JPH4: variants seen among roughly 807,000 people sequenced by gnomAD.
JPH4 encodes junctophilin 4, also known as junctophilin-4.
A neutral mutation model predicts 57.6 loss-of-function variants in JPH4; 18 were observed. The ratio of observed to expected loss-of-function variants is 0.31; its 90% CI spans 0.22 to 0.46. The LOEUF is 0.46. JPH4 is among the 20% of genes least tolerant of loss of function. JPH4 has a pLI of 1.00. For missense variants in JPH4, 727 were observed against 911.1 expected, an observed-to-expected ratio of 0.80 and a Z score of 2.60; for synonymous variants, 425 against 406.6, an observed-to-expected ratio of 1.05 and a Z score of -0.54.
rs1457118845 is a variant in JPH4, at chr14:23,576,386, A to T, written c.450T>A (p.His150Gln). 1.1e-5 allele frequency: 15 copies of T among 1,378,318 alleles called. No individual in the cohort carries two copies. Among genetic ancestry groups the T allele is most frequent in the Non-Finnish European group, 1.1e-5 (12 of 1,070,956 alleles). The allele number at this position is 1,378,318 out of a possible 1,614,324, so 85.4% of individuals were successfully genotyped here. ...GGGGCGAGCGCAGCAGCGCCGCCTG[A>T]TGGTAGGGCACACTCTGGCGTACCC... ...GYGVRQSVPY[H>Q]QAALLRSPRR... is the part of the protein sequence containing the mutation. Residue 150 changes from histidine to glutamine, a missense_variant, in exon 3 of 6, where the codon CAT becomes CAA. His to Gln is a conservative substitution (Grantham distance 24). Transcript: ENST00000356300. The surrounding 1 kb of genome is among the most constrained non-coding windows in gnomAD (Gnocchi z 8.0).
At position 23,571,785 on chromosome 14, in the gene JPH4, A is replaced by G. The variant is rs573174985; in HGVS notation, c.1270+17T>C. 6.2e-7 allele frequency: 1 copy of G among 1,606,696 alleles called. No homozygotes were observed. The highest frequency in any genetic ancestry group is 2.2e-5 in the East Asian group (1 of 44,840). ...CTAGGGGCCTCACTGCCCTCCCCCC[A>G]GCTGTCCATGCCTCACCTGGGGCCT... On this transcript the variant is annotated intron_variant, in intron 4 of 5. Coordinates refer to ENST00000356300, the MANE Select transcript of JPH4 (RefSeq NM_001146028.2). The surrounding 1 kb of genome is among the most constrained non-coding windows in gnomAD (Gnocchi z 4.6).
At position 23,577,008 on chromosome 14, in the gene JPH4, G is replaced by A; in HGVS notation, c.379+67C>T. 1 of 1,406,092 alleles carries A rather than the reference G, an allele frequency of 7.1e-7. No homozygotes were observed. The highest frequency in any genetic ancestry group is 9.2e-7 in the Non-Finnish European group (1 of 1,085,228). The allele number at this position is 1,406,092 out of a possible 1,614,324, so 87.1% of individuals were successfully genotyped here. On this transcript the variant is annotated intron_variant, in intron 2 of 5. Coordinates refer to ENST00000356300, the MANE Select transcript of JPH4 (RefSeq NM_001146028.2). The surrounding 1 kb of genome is among the most constrained non-coding windows in gnomAD (Gnocchi z 8.4). ...GGGCGCAAGGGCGCAAATGGCGGGC[G>A]AAGGCCCAAGGCTGGGGAAGGCGCA...
At position 23,571,779 on chromosome 14, in the gene JPH4, C is replaced by A. The variant is rs1240352201; in HGVS notation, c.1270+23G>T. 6.3e-7 allele frequency: 1 copy of A among 1,594,562 alleles called. No individual in the cohort carries two copies. Among genetic ancestry groups the A allele is most frequent in the Non-Finnish European group, 8.6e-7 (1 of 1,165,574 alleles). ...AGCTCCCTAGGGGCCTCACTGCCCT[C>A]CCCCCAGCTGTCCATGCCTCACCTG... On this transcript the variant is annotated intron_variant, in intron 4 of 5. Transcript: ENST00000356300. This position sits in a 1 kb window ranked among gnomAD's most constrained non-coding sequence, Gnocchi z 4.6.
rs541308637 is a variant in JPH4 at position 23,571,416 on chromosome 14, G to A, written c.1315C>T (p.Leu439=). The A allele has an allele frequency of 1.3e-6, 2 of 1,599,636 alleles. No individual in the cohort carries two copies. The highest frequency in any genetic ancestry group is 2.7e-5 in the African/African-American group (2 of 75,022). ...QDSEGSDTEP[L]DEDSPGVYEN... The stretch of plus-strand genomic sequence containing the variant: ...TATACCCCAGGGCTGTCCTCATCCA[G>A]GGGCTCCGTGTCGGAACCTTCTGAG... The change falls in exon 5 of 6, where the codon CTG becomes TTG. Residue 439 remains leucine, a synonymous_variant. Transcript: ENST00000356300. The surrounding 1 kb of genome is among the most constrained non-coding windows in gnomAD (Gnocchi z 4.6).
chr14:23,571,872 C>G lies in JPH4; in HGVS notation c.1200G>C (p.Glu400Asp), dbSNP rs558005576. 4 of 1,613,032 alleles carry G rather than the reference C, an allele frequency of 2.5e-6. No homozygotes were observed. In the South Asian group the frequency reaches 3.3e-5, roughly 13 times the overall value. Residue 400 changes from glutamate to aspartate, a missense_variant, in exon 4 of 6, where the codon GAG (glutamate) becomes GAC (aspartate). By Grantham distance (45) the Glu-to-Asp change is conservative. This residue lies in a region of JPH4 where 293 missense variants were observed against 279.8 expected (regional missense o/e 1.05). Coordinates refer to ENST00000356300, the MANE Select transcript of JPH4 (RefSeq NM_001146028.2). This position sits in a 1 kb window ranked among gnomAD's most constrained non-coding sequence, Gnocchi z 4.6. Reference sequence around the variant, plus strand: ...CCATTCGAGCTGCCTCCACGGCCTTCTCAGCGACACTGCTGGCTGCCACTG... The same window carrying G: ...CCATTCGAGCTGCCTCCACGGCCTTGTCAGCGACACTGCTGGCTGCCACTG... ...LKAVAASSVAEKAVEAARMAK... is the reference protein window; with the variant it reads ...LKAVAASSVADKAVEAARMAK...
rs544529862 is a variant in JPH4, at chr14:23,575,528, ACCAAGAATG to A, written c.1151+148_1151+156del. The A allele has an allele frequency of 4.8e-4, 427 of 896,080 alleles. No individual in the cohort carries two copies. Among genetic ancestry groups the A allele is most frequent in the Non-Finnish European group, 6.4e-4 (385 of 598,478 alleles). The allele number at this position is 896,080 out of a possible 1,614,324, so 55.5% of individuals were successfully genotyped here. ...TCCACCTGTAGCCTCGGATATAAAC[ACCAAGAATG>A]CCCAGGGGTCCAACTGCCTGGCCTT... On this transcript the variant is annotated intron_variant, in intron 3 of 5. Transcript: ENST00000356300. The surrounding 1 kb of genome is among the most constrained non-coding windows in gnomAD (Gnocchi z 6.9).
At position 23,569,463 on chromosome 14, in the gene JPH4, AAGAC is replaced by A; in HGVS notation, c.*167_*170del. ...CAGAAGAAATGAGATAATCTGAAAG[AAGAC>A]AGGGAAAGAAAAAGCGAGAGAAAAA... On this transcript the variant is annotated 3_prime_UTR_variant, in exon 6 of 6. Coordinates refer to ENST00000356300, the MANE Select transcript of JPH4 (RefSeq NM_001146028.2). The surrounding 1 kb of genome is among the most constrained non-coding windows in gnomAD (Gnocchi z 4.8). 1.6e-6 allele frequency: 1 copy of A among 634,014 alleles called. No individual in the cohort carries two copies. The highest frequency in any genetic ancestry group is 1.9e-5 in the South Asian group (1 of 52,782). 39.3% of individuals were successfully genotyped at this position (634,014 alleles called of 1,614,324 possible).
chr14:23,576,329 GT>G lies in JPH4; in HGVS notation c.506del (p.Asp169AlafsTer80). On this transcript the variant is annotated frameshift_variant, in exon 3 of 6. Transcript: ENST00000356300. LOFTEE classifies it high-confidence loss of function. The surrounding 1 kb of genome is among the most constrained non-coding windows in gnomAD (Gnocchi z 8.0). ...GCAGGGGCGGGGGTGGCGTCGGGGG[GT>G]CGCTGTGGCCGGAATCCAGGGAGGT... ...RRTSLDSGHS[D>X]PPTPPPPLPL... is the part of the protein sequence containing the mutation. The G allele has an allele frequency of 7.7e-7, 1 of 1,296,018 alleles. No homozygotes were observed. The highest frequency in any genetic ancestry group is 9.8e-7 in the Non-Finnish European group (1 of 1,024,888). 80.3% of individuals were successfully genotyped at this position (1,296,018 alleles called of 1,614,324 possible).
At position 23,575,613 on chromosome 14, in the gene JPH4, A is replaced by G. The variant is rs1230012229; in HGVS notation, c.1151+72T>C. 2.6e-6 allele frequency: 4 copies of G among 1,539,344 alleles called. No individual in the cohort carries two copies. Among genetic ancestry groups the G allele is most frequent in the Admixed American group, 1.9e-5 (1 of 51,448 alleles). ...CTTGGGCCTTGGGCCTCCCTTAGGC[A>G]CACCCGCCTTCCTGGTCCCCAGCGC... On this transcript the variant is annotated intron_variant, in intron 3 of 5. Transcript: ENST00000356300. The surrounding 1 kb of genome is among the most constrained non-coding windows in gnomAD (Gnocchi z 6.9).
At position 23,569,752 on chromosome 14, in the gene JPH4, C is replaced by G. The variant is rs1396440499; in HGVS notation, c.1804-35G>C. 7.0e-7 allele frequency: 1 copy of G among 1,438,182 alleles called. No homozygotes were observed. Among genetic ancestry groups the G allele is most frequent in the Admixed American group, 2.0e-5 (1 of 49,320 alleles). The allele number at this position is 1,438,182 out of a possible 1,614,324, so 89.1% of individuals were successfully genotyped here. On this transcript the variant is annotated intron_variant, in intron 5 of 5. Transcript: ENST00000356300. The surrounding 1 kb of genome is among the most constrained non-coding windows in gnomAD (Gnocchi z 4.8). The stretch of plus-strand genomic sequence containing the variant: ...CAGAGGGGGAAGCAGACTCAGTCCC[C>G]GAGGACAGGGCCCACCTTCCTGCCC...
chr14:23,577,203 C>T lies in JPH4; in HGVS notation c.251G>A (p.Arg84His), dbSNP rs1229942767. 1.3e-6 allele frequency: 2 copies of T among 1,537,114 alleles called. No individual in the cohort carries two copies. The highest frequency in any genetic ancestry group is 1.7e-6 in the Non-Finnish European group (2 of 1,146,362). The change falls in exon 2 of 6, where the codon CGC (arginine) becomes CAC (histidine). Residue 84 changes from arginine (R) to histidine (H), a missense_variant. Arg to His is a conservative substitution (Grantham distance 29). Transcript: ENST00000356300. This position sits in a 1 kb window ranked among gnomAD's most constrained non-coding sequence, Gnocchi z 8.4. ...GVERKSRWTYRGEWLGGLKGR... is the reference protein window; with the variant it reads ...GVERKSRWTYHGEWLGGLKGR... ...CTTCAGCCCGCCCAGCCACTCGCCG[C>T]GGTACGTCCAGCGGCTCTTGCGCTC...
rs1395362316 is a variant in JPH4 at position 23,576,547 on chromosome 14, G to A, written c.380-91C>T. 2 of 1,139,184 alleles carry A rather than the reference G, an allele frequency of 1.8e-6. No individual in the cohort carries two copies. The highest frequency in any genetic ancestry group is 2.3e-6 in the Non-Finnish European group (2 of 882,644). The allele number at this position is 1,139,184 out of a possible 1,614,324, so 70.6% of individuals were successfully genotyped here. ...CCCAAGCGCCCCTGGAAGCCCAAGC[G>A]TCAGGCGGGAGAGATGGAGGCAGTT... On this transcript the variant is annotated intron_variant, in intron 2 of 5. Transcript: ENST00000356300. This position sits in a 1 kb window ranked among gnomAD's most constrained non-coding sequence, Gnocchi z 8.0.
intron 5 of JPH4, among the ~76,000 whole-genome samples, chr14:23,570,656 G>A (rs1889108043): frequency 1.3e-5 from 2 of 151,988 alleles, no homozygotes; most frequent in Middle Eastern, 3.4e-3. Context: ...TTACAGGCGT[G>A]AGCCACCGCG....
Position 23,569,291 on chromosome 14 carries a change from G to C in JPH4, c.*343C>G, listed in dbSNP as rs1208968802. ...CGAAGTTGAGGTCTAAAGAAAAGGTGGGAGGGCGTGGAGCAATGGTCTGAC... is the reference window on the plus strand; with the variant it reads ...CGAAGTTGAGGTCTAAAGAAAAGGTCGGAGGGCGTGGAGCAATGGTCTGAC... On this transcript the variant is annotated 3_prime_UTR_variant, in exon 6 of 6. Coordinates refer to ENST00000356300, the MANE Select transcript of JPH4 (RefSeq NM_001146028.2). The surrounding 1 kb of genome is among the most constrained non-coding windows in gnomAD (Gnocchi z 4.8). 1 of 310,158 alleles carries C rather than the reference G, an allele frequency of 3.2e-6. No homozygotes were observed. The highest frequency in any genetic ancestry group is 2.3e-5 in the African/African-American group (1 of 44,316). The allele number at this position is 310,158 out of a possible 1,614,324, so 19.2% of individuals were successfully genotyped here.
At position 23,577,358 on chromosome 14, in the gene JPH4, G is replaced by A. The variant is rs1326554360; in HGVS notation, c.96C>T (p.Gly32=). The change falls in exon 2 of 6, where the codon GGC becomes GGT. Residue 32 remains glycine, a synonymous_variant. Coordinates refer to ENST00000356300, the MANE Select transcript of JPH4 (RefSeq NM_001146028.2). This position sits in a 1 kb window ranked among gnomAD's most constrained non-coding sequence, Gnocchi z 8.4. ...GRAHGYGVCT[G]PGAQGEYSGC... is the part of the protein sequence containing the mutation. ...CGCTGTACTCGCCCTGGGCGCCGGGGCCCGTGCACACGCCGTAGCCATGTG... is the reference window on the plus strand; with the variant it reads ...CGCTGTACTCGCCCTGGGCGCCGGGACCCGTGCACACGCCGTAGCCATGTG... 29 of 1,520,858 alleles carry A rather than the reference G, an allele frequency of 1.9e-5. No homozygotes were observed. The highest frequency in any genetic ancestry group is 2.4e-5 in the Non-Finnish European group (27 of 1,137,008). 94.2% of individuals were successfully genotyped at this position (1,520,858 alleles called of 1,614,324 possible). A position where few individuals can be genotyped will look rare whatever the true frequency, so the allele number is the denominator to read the frequency against.
rs1016977359 is a variant in JPH4 at position 23,577,648 on chromosome 14, C to T, written c.-171-24G>A. On this transcript the variant is annotated intron_variant, in intron 1 of 5. Transcript: ENST00000356300. The surrounding 1 kb of genome is among the most constrained non-coding windows in gnomAD (Gnocchi z 8.4). ...GGCTGCGGAGAAAGAGGGAGGGGGG[C>T]AAGTGGCGAGAGAGGCCCCTCCTCT... is the stretch of plus-strand genomic sequence containing the variant. The T allele has an allele frequency of 9.0e-5, 39 of 434,692 alleles. No individual in the cohort carries two copies. In the East Asian group the frequency reaches 1.2e-3, roughly 14 times the overall value. The allele number at this position is 434,692 out of a possible 1,614,324, so 26.9% of individuals were successfully genotyped here.
chr14:23,570,438 C>A lies in JPH4; in HGVS notation c.1803+490G>T, dbSNP rs190447440. ...CCAGGCTAGAGTGCAGTGGCGCGAT[C>A]TCAGCTCACTGCAGGCTCCGCCTCC... On this transcript the variant is annotated intron_variant, in intron 5 of 5. Coordinates refer to ENST00000356300, the MANE Select transcript of JPH4 (RefSeq NM_001146028.2). Among the ~76,000 whole-genome samples, 617 of 143,708 alleles carry A rather than the reference C, an allele frequency of 4.3e-3. 5 individuals carry two copies. The highest frequency in any genetic ancestry group is 0.014 in the African/African-American group (535 of 38,188). The allele number at this position is 143,708 out of a possible 152,430, so 94.3% of individuals were successfully genotyped here.
Position 23,569,137 on chromosome 14 carries a change from C to T in JPH4, c.*497G>A, listed in dbSNP as rs1438274961. 1 of 179,998 alleles carries T rather than the reference C, an allele frequency of 5.6e-6. No individual in the cohort carries two copies. Among genetic ancestry groups the T allele is most frequent in the Non-Finnish European group, 1.2e-5 (1 of 84,810 alleles). The allele number at this position is 179,998 out of a possible 1,614,324, so 11.2% of individuals were successfully genotyped here. On this transcript the variant is annotated 3_prime_UTR_variant, in exon 6 of 6. Coordinates refer to ENST00000356300, the MANE Select transcript of JPH4 (RefSeq NM_001146028.2). The surrounding 1 kb of genome is among the most constrained non-coding windows in gnomAD (Gnocchi z 4.8). ...TAGGCCTCAGAGGGACAGCAGGCCCCTTAGGCTAGGGAGCCACAGCAGCTC... is the reference window on the plus strand; with the variant it reads ...TAGGCCTCAGAGGGACAGCAGGCCCTTTAGGCTAGGGAGCCACAGCAGCTC...
Position 23,577,447 on chromosome 14 carries a change from G to C in JPH4, c.7C>G (p.Pro3Ala). MS[P>A]GGKFDFDDGG... ...TCGTCAAAGTCGAACTTGCCCCCGG[G>C]GGACATGCATGTAGTTGGCGCGGCC... The change falls in exon 2 of 6, where the codon CCC (proline) becomes GCC (alanine). Residue 3 changes from proline (P) to alanine (A), a missense_variant. Transcript: ENST00000356300. The surrounding 1 kb of genome is among the most constrained non-coding windows in gnomAD (Gnocchi z 8.4). The C allele has an allele frequency of 7.0e-7, 1 of 1,430,670 alleles. No homozygotes were observed. Among genetic ancestry groups the C allele is most frequent in the Non-Finnish European group, 9.1e-7 (1 of 1,094,858 alleles). 88.6% of individuals were successfully genotyped at this position (1,430,670 alleles called of 1,614,324 possible). A position where few individuals can be genotyped will look rare whatever the true frequency, so the allele number is the denominator to read the frequency against.
Sources: allele counts gnomAD v4.1 joint callset (sites outside exome capture counted in the v4.1 genomes callset), GRCh38; gene constraint gnomAD v4.1.1; regional missense constraint gnomAD v4.1.1; non-coding constraint Gnocchi (gnomAD v3.1); transcripts MANE v1.5; gene names NCBI Gene and HGNC (gene_info 2026-07-23, HGNC 2026-07-21).